EPHA6: variants seen among roughly 807,000 people sequenced by gnomAD.
EPHA6 encodes ephrin type-A receptor 6.
In EPHA6, 50 loss-of-function variants were observed where a neutral mutation model predicts 112.0. The observed-to-expected ratio is 0.45, with a 90% CI of 0.36 to 0.56. The LOEUF (loss-of-function observed/expected upper bound fraction) is 0.56. EPHA6 is among the 20% of genes least tolerant of loss of function. The pLI is 0.00. For missense variants in EPHA6, 1,280 were observed against 1,417.4 expected (o/e 0.90, Z 1.56); for synonymous variants, 529 against 490.7 (o/e 1.08, Z -1.03).
chr3:97,141,718 CA>C (rs928869627), intron 3 of EPHA6, among the ~76,000 whole-genome samples: 21 of 150,796 alleles, frequency 1.4e-4, no homozygotes, highest in African/African-American at 4.4e-4. Context: ...ATGCCTACAT[CA>C]AAAAAAATAC....
intron 15 of EPHA6, among the ~76,000 whole-genome samples, chr3:97,721,754 C>T (rs937718449): frequency 1.3e-5 from 2 of 152,208 alleles, no homozygotes; most frequent in Non-Finnish European, 2.9e-5. Context: ...ATTTGAAGGA[C>T]TCCTTTGCTC....
intron 2 of EPHA6, among the ~76,000 whole-genome samples, chr3:96,895,414 A>G (rs2038214006): frequency 6.6e-6 from 1 of 152,190 alleles, no homozygotes; most frequent in African/African-American, 2.4e-5. Context: ...TCTGTAAATC[A>G]AAAAATGTTA....
chr3:97,017,858 T>C (rs2044315920), intron 3 of EPHA6, among the ~76,000 whole-genome samples: 1 of 152,090 alleles, frequency 6.6e-6, no homozygotes, highest in South Asian at 2.1e-4. Flanking sequence ...TTTGTTGTTA[T>C]CCCTTTGAAT....
intron 11 of EPHA6, among the ~76,000 whole-genome samples, chr3:97,588,456 T>A (rs181964231): frequency 2.2e-4 from 34 of 152,360 alleles, no homozygotes; most frequent in African/African-American, 8.2e-4. Flanking sequence ...TTTGAAGAAG[T>A]CATATCTCAT....
intron 5 of EPHA6, among the ~76,000 whole-genome samples, chr3:97,345,513 A>C (rs2108874361): frequency 6.6e-6 from 1 of 152,282 alleles, no homozygotes; most frequent in South Asian, 2.1e-4. Context: ...AGGTGGGCTT[A>C]AGTGGGCAAG....
chr3:96,858,473 A>G (rs2035823807), intron 1 of EPHA6, among the ~76,000 whole-genome samples: 1 of 152,104 alleles, frequency 6.6e-6, no homozygotes, highest in African/African-American at 2.4e-5. Flanking sequence ...GAGATTTAGG[A>G]AGTCTCTTTC....
At chr3:97,020,855 G>A (rs768939277) in intron 3 of EPHA6, among the ~76,000 whole-genome samples, 20 of 152,102 alleles carry the variant, frequency 1.3e-4, no homozygotes, top group African/African-American at 3.1e-4. Context: ...TTATTGGAAC[G>A]CTAAGCTTGT....
chr3:97,403,697 C>T (rs572216557), intron 5 of EPHA6, among the ~76,000 whole-genome samples: 51 of 152,324 alleles, frequency 3.3e-4, no homozygotes, highest in Non-Finnish European at 6.3e-4. Flanking sequence ...CTGCCCGCCT[C>T]GGCCTCCCAA....
chr3:97,329,714 T>C (rs2082682831), intron 5 of EPHA6, among the ~76,000 whole-genome samples: 1 of 152,216 alleles, frequency 6.6e-6, no homozygotes, highest in Non-Finnish European at 1.5e-5. Flanking sequence ...ATTCTGAATA[T>C]TGGCCCTTTG....
intron 3 of EPHA6, among the ~76,000 whole-genome samples, chr3:97,034,944 G>A (rs1396245831): frequency 6.6e-6 from 1 of 151,884 alleles, no homozygotes; most frequent in Non-Finnish European, 1.5e-5. Context: ...TCTTTTGAAA[G>A]AAATAAAATG....
intron 10 of EPHA6, among the ~76,000 whole-genome samples, chr3:97,516,230 A>G (rs1041550741): frequency 2.0e-5 from 3 of 152,294 alleles, no homozygotes; most frequent in African/African-American, 7.2e-5. Context: ...GACTTCCTCT[A>G]ATGCCACAAA....
intron 14 of EPHA6, among the ~76,000 whole-genome samples, chr3:97,701,604 T>C (rs553364341): frequency 6.7e-6 from 1 of 149,302 alleles, no homozygotes; most frequent in African/African-American, 2.6e-5. Flanking sequence ...TCATGGATTA[T>C]GGGTCATATA....
intron 2 of EPHA6, among the ~76,000 whole-genome samples, chr3:96,903,659 G>T (rs207463369): frequency 6.6e-6 from 1 of 151,884 alleles, no homozygotes; most frequent in Non-Finnish European, 1.5e-5. Context: ...AAATAGTTTT[G>T]CAATCTAGGC....
intron 3 of EPHA6, among the ~76,000 whole-genome samples, chr3:97,108,763 A>G (rs1331206560): frequency 1.3e-5 from 2 of 152,164 alleles, no homozygotes; most frequent in Non-Finnish European, 2.9e-5. Flanking sequence ...CACTGCTGTC[A>G]TTCTCTTTGG....
At chr3:97,653,156 A>G (rs1172414338) in intron 14 of EPHA6, among the ~76,000 whole-genome samples, 1 of 151,998 alleles carries the variant, frequency 6.6e-6, no homozygotes, top group East Asian at 1.9e-4. Flanking sequence ...AAAATAGACA[A>G]GTATGATTGC....
At chr3:97,651,003 G>A (rs937112082) in intron 14 of EPHA6, among the ~76,000 whole-genome samples, 10 of 151,856 alleles carry the variant, frequency 6.6e-5, no homozygotes, top group Admixed American at 2.0e-4. Flanking sequence ...ATTTTGTTTC[G>A]ATTTTGTCCT....
At chr3:96,818,330 G>A (rs535838476) in intron 1 of EPHA6, among the ~76,000 whole-genome samples, 30 of 152,084 alleles carry the variant, frequency 2.0e-4, no homozygotes, top group African/African-American at 6.7e-4. Flanking sequence ...ATCTAAGGGT[G>A]TGGCTCATGC....
intron 3 of EPHA6, among the ~76,000 whole-genome samples, chr3:97,043,115 G>C (rs2045374978): frequency 1.3e-5 from 2 of 152,118 alleles, no homozygotes; most frequent in African/African-American, 4.8e-5. Context: ...AAGAAAGTCT[G>C]AACTTTAATG....
chr3:96,957,474 T>C (rs1184354621), intron 2 of EPHA6, among the ~76,000 whole-genome samples: 1 of 152,232 alleles, frequency 6.6e-6, no homozygotes, highest in Non-Finnish European at 1.5e-5. Flanking sequence ...AATTTCACAA[T>C]GTAGATAATT....
Sources: gnomAD v4.1 joint callset for allele counts (sites outside exome capture counted in the v4.1 genomes callset) on GRCh38, gnomAD v4.1.1 for gene constraint, MANE v1.5 for transcripts, NCBI Gene and HGNC (gene_info 2026-07-23, HGNC 2026-07-21) for gene names.